Variants in UNC5C observed in about 807,000 individuals in gnomAD.
UNC5C encodes the protein unc-5 netrin receptor C.
A neutral mutation model predicts 99.8 loss-of-function variants in UNC5C; 47 were observed. The observed-to-expected ratio is 0.47, with a 90% CI of 0.37 to 0.60. UNC5C has a LOEUF of 0.60. UNC5C is among the 20% of genes least tolerant of loss of function. The pLI, the probability that UNC5C is intolerant of heterozygous loss-of-function variation, is 0.00. For synonymous variants in UNC5C, 487 were observed against 452.2 expected, an observed-to-expected ratio of 1.08 and a Z score of -0.98; for missense variants, 1,062 against 1,165.9, an observed-to-expected ratio of 0.91 and a Z score of 1.30.
chr4:95,281,450 A>G (rs1741057236), intron 3 of UNC5C, among the ~76,000 whole-genome samples: 1 of 152,178 alleles, frequency 6.6e-6, no homozygotes, highest in South Asian at 2.1e-4. Flanking sequence ...AAGGGTGTCC[A>G]TCAGAGTGAC....
At chr4:95,251,938 G>T (rs1336732450) in intron 4 of UNC5C, among the ~76,000 whole-genome samples, 1 of 152,166 alleles carries the variant, frequency 6.6e-6, no homozygotes, top group Non-Finnish European at 1.5e-5. Context: ...GTAGAGTAGA[G>T]AAACTATTTG....
chr4:95,227,514 A>G (rs1738744377), intron 7 of UNC5C, among the ~76,000 whole-genome samples: 1 of 152,232 alleles, frequency 6.6e-6, no homozygotes, highest in African/African-American at 2.4e-5. Context: ...ACTTGCAGGA[A>G]TACAGACTAA....
At chr4:95,224,362 C>T (rs1738594458) in intron 7 of UNC5C, among the ~76,000 whole-genome samples, 1 of 152,190 alleles carries the variant, frequency 6.6e-6, no homozygotes, top group South Asian at 2.1e-4. Flanking sequence ...AAGCCTATCT[C>T]CAGCTAGGTA....
chr4:95,221,705 T>C (rs558873920), intron 7 of UNC5C, among the ~76,000 whole-genome samples: 17 of 152,216 alleles, frequency 1.1e-4, no homozygotes, highest in South Asian at 2.1e-4. Flanking sequence ...ACCAGTGATA[T>C]CACAAATACT....
chr4:95,322,562 A>G (rs1742729622), intron 2 of UNC5C, among the ~76,000 whole-genome samples: 2 of 152,226 alleles, frequency 1.3e-5, no homozygotes, highest in Non-Finnish European at 2.9e-5. Context: ...ATGCACATCT[A>G]TTAATATATG....
At chr4:95,458,375 A>G (rs910003757) in intron 1 of UNC5C, among the ~76,000 whole-genome samples, 1 of 152,134 alleles carries the variant, frequency 6.6e-6, no homozygotes, top group Non-Finnish European at 1.5e-5. Context: ...AAGTAAAAAA[A>G]TTGTTGAAAA....
Position 95,164,470 on chromosome 4 carries a change from G to A in UNC5C, c.*4764C>T, listed in dbSNP as rs1216208708. Reference sequence around the variant, plus strand: ...CAGAGGCAAAGTTCTAAAGATTTCAGTCAATACTAGCTCAGCAAGGTTAAA... The same window carrying A: ...CAGAGGCAAAGTTCTAAAGATTTCAATCAATACTAGCTCAGCAAGGTTAAA... On this transcript the variant is annotated 3_prime_UTR_variant, in exon 16 of 16. Transcript: ENST00000453304. The A allele has an allele frequency of 6.6e-6, 1 of 152,128 alleles. No homozygotes were observed. The highest frequency in any genetic ancestry group is 1.5e-5 in the Non-Finnish European group (1 of 68,026). The allele number at this position is 152,128 out of a possible 1,614,324, so 9.4% of individuals were successfully genotyped here.
intron 3 of UNC5C, among the ~76,000 whole-genome samples, chr4:95,296,254 G>T (rs1048036240): frequency 6.6e-6 from 1 of 152,134 alleles, no homozygotes; most frequent in African/African-American, 2.4e-5. Context: ...GTTAGGTGGG[G>T]TTCCTTCGGT....
intron 1 of UNC5C, among the ~76,000 whole-genome samples, chr4:95,448,628 T>G (rs558291482): frequency 1.3e-5 from 2 of 152,260 alleles, no homozygotes; most frequent in East Asian, 3.9e-4. Context: ...CATATGGTGG[T>G]GTGAGAAAGA....
rs1230796938 is a variant in UNC5C at position 95,169,406 on chromosome 4, T to C, written c.2631-7A>G. 1.9e-6 allele frequency: 3 copies of C among 1,613,742 alleles called. No homozygotes were observed. The highest frequency in any genetic ancestry group is 2.5e-6 in the Non-Finnish European group (3 of 1,179,674). ...GGCAAAGTAATTCAAGTACCTGTAA[T>C]TGGGAAAGAGAAAATGTGCTCAACA... On this transcript the variant is annotated splice_polypyrimidine_tract_variant and splice_region_variant and intron_variant, in intron 15 of 15. Transcript: ENST00000453304.
intron 1 of UNC5C, among the ~76,000 whole-genome samples, chr4:95,368,416 T>C (rs543194861): frequency 6.6e-6 from 1 of 150,946 alleles, no homozygotes; most frequent in Admixed American, 6.6e-5. Flanking sequence ...TGTAAATAAA[T>C]GAAAAAAGAA....
chr4:95,227,037 G>A (rs190712506), intron 7 of UNC5C, among the ~76,000 whole-genome samples: 1 of 152,214 alleles, frequency 6.6e-6, no homozygotes, highest in East Asian at 1.9e-4. Context: ...AAGGTATGAG[G>A]CTTGTTATCC....
At chr4:95,424,504 T>A (rs1399022905) in intron 1 of UNC5C, among the ~76,000 whole-genome samples, 1 of 144,024 alleles carries the variant, frequency 6.9e-6, no homozygotes, top group Non-Finnish European at 1.5e-5. Context: ...GCTTCAGAAT[T>A]TTTTTTTTCT....
chr4:95,273,984 C>A (rs1740760527), intron 4 of UNC5C, among the ~76,000 whole-genome samples: 1 of 152,154 alleles, frequency 6.6e-6, no homozygotes, highest in African/African-American at 2.4e-5. Context: ...TCCAGCAGGG[C>A]CTCTTTCTGT....
chr4:95,433,356 T>C (rs1042305994), intron 1 of UNC5C, among the ~76,000 whole-genome samples: 2 of 152,116 alleles, frequency 1.3e-5, no homozygotes, highest in African/African-American at 2.4e-5. Context: ...GAATAATCCT[T>C]CTTTTTGGGT....
At chr4:95,370,900 A>G (rs2149438597) in intron 1 of UNC5C, among the ~76,000 whole-genome samples, 1 of 152,338 alleles carries the variant, frequency 6.6e-6, no homozygotes, top group East Asian at 1.9e-4. Context: ...TCGTTTTTCT[A>G]ATAAGTAAGC....
chr4:95,479,209 T>C (rs1270398911), intron 1 of UNC5C, among the ~76,000 whole-genome samples: 1 of 152,064 alleles, frequency 6.6e-6, no homozygotes, highest in South Asian at 2.1e-4. Flanking sequence ...AAGAGTTATA[T>C]GAATTTTCAT....
chr4:95,298,302 C>A (rs1031462959), intron 3 of UNC5C, among the ~76,000 whole-genome samples: 1 of 152,004 alleles, frequency 6.6e-6, no homozygotes, highest in African/African-American at 2.4e-5. Flanking sequence ...CAGAATGAGA[C>A]CCCCATCTCA....
chr4:95,322,089 A>G (rs1192084349), intron 2 of UNC5C, among the ~76,000 whole-genome samples: 1 of 152,246 alleles, frequency 6.6e-6, no homozygotes, highest in Non-Finnish European at 1.5e-5. Flanking sequence ...ACTGACTTAA[A>G]TAAAAAATTA....
Sources: allele counts gnomAD v4.1 joint callset (sites outside exome capture counted in the v4.1 genomes callset), GRCh38; gene constraint gnomAD v4.1.1; transcripts MANE v1.5; gene names NCBI Gene and HGNC (gene_info 2026-07-23, HGNC 2026-07-21).